The following RASSF8 variants were observed in gnomAD, a reference collection of about 807,000 sequenced individuals.
The protein encoded by RASSF8 is ras association domain-containing protein 8.
In RASSF8, 22 loss-of-function variants were observed where a neutral mutation model predicts 48.5. The observed-to-expected ratio is 0.45, with a 90% confidence interval of 0.32 to 0.65. RASSF8 has a LOEUF of 0.65. Among genes scored for constraint, RASSF8 ranks in the 30% least tolerant of loss-of-function variants. The pLI is 0.03. For synonymous variants in RASSF8, 127 were observed against 171.5 expected, an observed-to-expected ratio of 0.74 and a Z score of 2.03; for missense variants, 418 against 489.2, an observed-to-expected ratio of 0.85 and a Z score of 1.37.
intron 1 of RASSF8, among the ~76,000 whole-genome samples, chr12:25,978,684 ATT>A (rs770251561): frequency 6.9e-6 from 1 of 145,488 alleles, no homozygotes. Context: ...ATGTAGGTTA[ATT>A]TTTTTTTTTT....
chr12:26,034,491 C>T (rs11048385), intron 2 of RASSF8, among the ~76,000 whole-genome samples: 81,362 of 151,770 alleles, frequency 0.54, 22,231 homozygotes, highest in Non-Finnish European at 0.59. Context: ...GGGCCGCATG[C>T]AGCCCGCAGG....
intron 1 of RASSF8, among the ~76,000 whole-genome samples, chr12:25,985,768 G>A (rs1941858537): frequency 6.6e-6 from 1 of 152,140 alleles, no homozygotes; most frequent in Non-Finnish European, 1.5e-5. Context: ...TTTCAGCAGT[G>A]CAGTGCTAGG....
chr12:25,962,091 GT>G (rs1430948372), intron 1 of RASSF8, among the ~76,000 whole-genome samples: 4 of 152,064 alleles, frequency 2.6e-5, no homozygotes, highest in African/African-American at 9.7e-5. Context: ...TCTTAAAGTT[GT>G]CAGGGCTCTC....
In RASSF8 at chr12:26,069,781, G is replaced by C. The variant is rs2137332923; in HGVS notation, c.*963G>C. The C allele has an allele frequency of 1.0e-6, 1 of 985,186 alleles. No homozygotes were observed. The highest frequency in any genetic ancestry group is 1.2e-6 in the Non-Finnish European group (1 of 829,704). The allele number at this position is 985,186 out of a possible 1,614,324, so 61.0% of individuals were successfully genotyped here. On this transcript the variant is annotated 3_prime_UTR_variant, in exon 6 of 6. Transcript: ENST00000689635. ...CGCTTCATATGTATGATCTGTTGGT[G>C]TACACACCATGGGTAAGGTATTGCT...
intron 2 of RASSF8, among the ~76,000 whole-genome samples, chr12:26,048,042 A>T (rs1943409749): frequency 6.6e-6 from 1 of 152,184 alleles, no homozygotes; most frequent in Non-Finnish European, 1.5e-5. Flanking sequence ...GGCAGGAGAG[A>T]TACCTCCAAG....
chr12:25,996,674 A>C (rs1439468228), intron 2 of RASSF8, among the ~76,000 whole-genome samples: 2 of 152,202 alleles, frequency 1.3e-5, no homozygotes, highest in African/African-American at 2.4e-5. Context: ...CTTGACTTAC[A>C]GTACAAAGAG....
At position 25,980,996 on chromosome 12, in the gene RASSF8, G is replaced by A. The variant is rs565358238; in HGVS notation, c.-202-14041G>A. Among the ~76,000 whole-genome samples the A allele has an allele frequency of 5.3e-5, 8 of 152,278 alleles. 1 individual carries two copies. In the South Asian group the frequency reaches 1.7e-3, roughly 32 times the overall value. ...GGCAATGGGTGGGTACTTTTTATGG[G>A]CAGTATAAGGAGATACTGAGGCAGT... On this transcript the variant is annotated intron_variant, in intron 1 of 5. Coordinates refer to ENST00000689635, the MANE Select transcript of RASSF8 (RefSeq NM_001394098.1).
intron 2 of RASSF8, among the ~76,000 whole-genome samples, chr12:26,022,593 A>G (rs1942811060): frequency 6.6e-6 from 1 of 152,216 alleles, no homozygotes; most frequent in South Asian, 2.1e-4. Flanking sequence ...GTAAAGGAAG[A>G]TATGATACAC....
At chr12:26,032,333 A>G (rs1355276053) in intron 2 of RASSF8, among the ~76,000 whole-genome samples, 2 of 152,206 alleles carry the variant, frequency 1.3e-5, no homozygotes, top group African/African-American at 2.4e-5. Flanking sequence ...AATTCTGTGT[A>G]TGTTTTTCGT....
At chr12:26,058,540 A>ACGCACG (rs1225360684) in intron 3 of RASSF8, among the ~76,000 whole-genome samples, 1 of 36,526 alleles carries the variant, frequency 2.7e-5, no homozygotes, top group Non-Finnish European at 6.6e-5. Flanking sequence ...GCGCGCGCGC[A>ACGCACG]CACACACACA....
At chr12:26,042,493 A>G (rs1225029563) in intron 2 of RASSF8, among the ~76,000 whole-genome samples, 1 of 152,084 alleles carries the variant, frequency 6.6e-6, no homozygotes, top group East Asian at 1.9e-4. Flanking sequence ...AGGGTGGAGC[A>G]TGTCTTCTTT....
At chr12:25,996,242 C>T (rs569956213) in intron 2 of RASSF8, among the ~76,000 whole-genome samples, 1 of 152,262 alleles carries the variant, frequency 6.6e-6, no homozygotes, top group South Asian at 2.1e-4. Flanking sequence ...ATTTTTAAGG[C>T]CTTGCCATTT....
chr12:26,001,073 C>T lies in RASSF8; in HGVS notation c.-109+5943C>T, dbSNP rs530185605. On this transcript the variant is annotated intron_variant, in intron 2 of 5. Transcript: ENST00000689635. ...TGTCACAGCTCACTGAAGCCTTGACCTCCTGGGGTCAAGTGATCCTCCCGC... is the reference window on the plus strand; with the variant it reads ...TGTCACAGCTCACTGAAGCCTTGACTTCCTGGGGTCAAGTGATCCTCCCGC... Among the ~76,000 whole-genome samples, 6 of 148,950 alleles carry T rather than the reference C, an allele frequency of 4.0e-5. 1 individual carries two copies. In the South Asian group the frequency reaches 1.3e-3, roughly 32 times the overall value.
chr12:26,021,824 C>T (rs963162989), intron 2 of RASSF8, among the ~76,000 whole-genome samples: 3 of 152,176 alleles, frequency 2.0e-5, no homozygotes, highest in Non-Finnish European at 4.4e-5. Flanking sequence ...GAACAGAGAA[C>T]TCCAAAAACC....
chr12:26,033,490 T>C (rs1447811575), intron 2 of RASSF8, among the ~76,000 whole-genome samples: 1 of 152,174 alleles, frequency 6.6e-6, no homozygotes, highest in Non-Finnish European at 1.5e-5. Context: ...AAAAGCACAT[T>C]AGCATTTTCT....
rs539949229 is a variant in RASSF8, at chr12:26,068,756, A to G, written c.1198A>G (p.Asn400Asp). The G allele has an allele frequency of 8.5e-5, 131 of 1,537,236 alleles. No homozygotes were observed. In the African/African-American group the frequency reaches 1.7e-3, roughly 21 times the overall value. Residue 400 changes from asparagine (N) to aspartate (D), a missense_variant, in exon 6 of 6, where the codon AAT becomes GAT. Physicochemically the swap from Asn to Asp is conservative, Grantham distance 23. Coordinates refer to ENST00000689635, the MANE Select transcript of RASSF8 (RefSeq NM_001394098.1). ...RPGSSRQLPS[N>D]LRILQNPISS... Reference sequence around the variant, plus strand: ...TGGTTCATCTCGGCAGCTCCCCAGTAATCTCCGCATTCTGCAGAATCCTAT... The same window carrying G: ...TGGTTCATCTCGGCAGCTCCCCAGTGATCTCCGCATTCTGCAGAATCCTAT...
In RASSF8 at chr12:26,069,772, T is replaced by G; in HGVS notation, c.*954T>G. ...AAAATAACCCGCTTCATATGTATGA[T>G]CTGTTGGTGTACACACCATGGGTAA... On this transcript the variant is annotated 3_prime_UTR_variant, in exon 6 of 6. Coordinates refer to ENST00000689635, the MANE Select transcript of RASSF8 (RefSeq NM_001394098.1). 1.0e-6 allele frequency: 1 copy of G among 985,222 alleles called. No homozygotes were observed. Among genetic ancestry groups the G allele is most frequent in the Non-Finnish European group, 1.2e-6 (1 of 829,726 alleles). 61.0% of individuals were successfully genotyped at this position (985,222 alleles called of 1,614,324 possible). A position where few individuals can be genotyped will look rare whatever the true frequency, so the allele number is the denominator to read the frequency against.
intron 2 of RASSF8, among the ~76,000 whole-genome samples, chr12:26,031,119 A>G (rs1233407418): frequency 1.3e-5 from 2 of 152,296 alleles, no homozygotes; most frequent in East Asian, 3.9e-4. Flanking sequence ...TGAGACAACA[A>G]TCAAATAAGC....
At chr12:25,976,007 G>A (rs1346695197) in intron 1 of RASSF8, among the ~76,000 whole-genome samples, 1 of 152,060 alleles carries the variant, frequency 6.6e-6, no homozygotes, top group Admixed American at 6.5e-5. Flanking sequence ...GTGTAGAGGA[G>A]CCGCACCCAG....
Sources: allele counts gnomAD v4.1 joint callset (sites outside exome capture counted in the v4.1 genomes callset), GRCh38; gene constraint gnomAD v4.1.1; transcripts MANE v1.5; gene names NCBI Gene and HGNC (gene_info 2026-07-23, HGNC 2026-07-21).